Variants in ZSCAN32 observed in about 807,000 individuals in gnomAD.
ZSCAN32 encodes zinc finger and SCAN domain containing 32, also known as zinc finger and SCAN domain-containing protein 32.
A neutral mutation model predicts 47.4 loss-of-function variants in ZSCAN32; 52 were observed. That is an observed-to-expected ratio of 1.10 (90% CI 0.88 to 1.38). ZSCAN32 has a LOEUF of 1.38. ZSCAN32 is among the 40% of genes most tolerant of loss of function. The pLI, the probability that ZSCAN32 is intolerant of heterozygous loss-of-function variation, is 0.00. For synonymous variants in ZSCAN32, 346 were observed against 305.7 expected (o/e 1.13, Z -1.38); for missense variants, 959 against 846.0 (o/e 1.13, Z -1.66).
intron 1 of ZSCAN32, among the ~76,000 whole-genome samples, chr16:3,398,631 G>A (rs556807843): frequency 1.4e-4 from 22 of 152,146 alleles, no homozygotes; most frequent in Admixed American, 6.5e-4. Flanking sequence ...TGTGTCTGCT[G>A]ACGAATTACT....
intron 2 of ZSCAN32, among the ~76,000 whole-genome samples, chr16:3,394,947 A>G (rs1176797837): frequency 6.6e-6 from 1 of 151,366 alleles, no homozygotes; most frequent in East Asian, 1.9e-4. Context: ...ATCTCCCAAC[A>G]CTCCAGTTAT....
In ZSCAN32 at chr16:3,383,476, C is replaced by T; in HGVS notation, c.1470G>A (p.Arg490=). 1.2e-6 allele frequency: 2 copies of T among 1,614,040 alleles called. No individual in the cohort carries two copies. Among genetic ancestry groups the T allele is most frequent in the Non-Finnish European group, 1.7e-6 (2 of 1,179,988 alleles). The part of the protein sequence containing the change: ...EKMSHQSFCA[R]DKACTHILCG... Reference sequence around the variant, plus strand: ...AGAGGATATGTGTACAGGCTTTGTCCCTGGCACAAAAACTCTGGTGACTCA... The same window carrying T: ...AGAGGATATGTGTACAGGCTTTGTCTCTGGCACAAAAACTCTGGTGACTCA... The change falls in exon 7 of 7, where the codon AGG becomes AGA. Residue 490 remains arginine, a synonymous_variant. Coordinates refer to ENST00000396852, the MANE Select transcript of ZSCAN32 (RefSeq NM_001284527.2).
At chr16:3,394,778 C>T (rs1280280293) in intron 2 of ZSCAN32, among the ~76,000 whole-genome samples, 2 of 152,108 alleles carry the variant, frequency 1.3e-5, no homozygotes, top group Admixed American at 1.3e-4. Context: ...CAGCCACAAG[C>T]CCTCCCTTCT....
intron 3 of ZSCAN32, 67 bp from the exon 4 acceptor site, chr16:3,390,584 A>C: frequency 2.3e-6 from 3 of 1,326,116 alleles, no homozygotes; most frequent in Non-Finnish European, 3.1e-6. Context: ...GAAGCTCTCA[A>C]AGTGGGCTCC....
intron 4 of ZSCAN32, 130 bp from the exon 5 acceptor site, chr16:3,390,263 A>T: frequency 7.0e-7 from 1 of 1,424,088 alleles, no homozygotes; most frequent in Non-Finnish European, 9.4e-7. Context: ...TCCCAGTGGG[A>T]CAGGTTCTGA....
chr16:3,397,135 T>C (rs2033443862), intron 2 of ZSCAN32, 57 bp downstream of exon 2: 4 of 1,468,344 alleles, frequency 2.7e-6, no homozygotes, highest in Non-Finnish European at 3.6e-6. Context: ...CTCCAGTAAC[T>C]GGATTCCCCG....
rs530389786 is a variant in ZSCAN32, at chr16:3,397,674, G to A, written c.-117C>T. 1.4e-5 allele frequency: 19 copies of A among 1,345,950 alleles called. No individual in the cohort carries two copies. Among genetic ancestry groups the A allele is most frequent in the Admixed American group, 5.8e-5 (2 of 34,780 alleles). 83.4% of individuals were successfully genotyped at this position (1,345,950 alleles called of 1,614,324 possible). ...TGCAAGGAATGTCTTTCTGTAATCC[G>A]TGGGACATGAGAGTGTCAGACATGT... is the stretch of plus-strand genomic sequence containing the variant. On this transcript the variant is annotated 5_prime_UTR_variant, in exon 2 of 7. It adds an upstream start codon to the 5' untranslated region. Transcript: ENST00000396852.
intron 3 of ZSCAN32, among the ~76,000 whole-genome samples, chr16:3,393,209 T>TATAA (rs2032967273): frequency 4.8e-5 from 1 of 20,622 alleles, no homozygotes; most frequent in Non-Finnish European, 7.9e-5. Context: ...TATTTATATT[T>TATAA]ATATATATAT....
chr16:3,398,147 T>A (rs1012562762), intron 1 of ZSCAN32, among the ~76,000 whole-genome samples: 6 of 152,204 alleles, frequency 3.9e-5, no homozygotes, highest in Non-Finnish European at 7.3e-5. Flanking sequence ...TCTGCTAAGA[T>A]GCAGGCATAA....
chr16:3,396,322 A>G, intron 2 of ZSCAN32, among the ~76,000 whole-genome samples: 1 of 152,076 alleles, frequency 6.6e-6, no homozygotes, highest in East Asian at 1.9e-4. Context: ...TAACTCTTCA[A>G]TCCTACCAAA....
intron 1 of ZSCAN32, among the ~76,000 whole-genome samples, chr16:3,398,522 C>T (rs2033589294): frequency 6.6e-6 from 1 of 152,212 alleles, no homozygotes; most frequent in Non-Finnish European, 1.5e-5. Flanking sequence ...ATTGCAGTTC[C>T]CCTGTCTTGA....
intron 6 of ZSCAN32, 37 bp downstream of exon 6, chr16:3,384,422 T>A: frequency 6.2e-7 from 1 of 1,612,102 alleles, no homozygotes; most frequent in Non-Finnish European, 8.5e-7. Context: ...AAGTGGACTT[T>A]GCCATCCTTT....
intron 3 of ZSCAN32, among the ~76,000 whole-genome samples, chr16:3,392,895 G>C (rs1596469965): frequency 6.6e-6 from 1 of 151,374 alleles, no homozygotes; most frequent in East Asian, 1.9e-4. Flanking sequence ...TAGAGCTCTG[G>C]AAGAAAAGCA....
At chr16:3,396,160 A>G (rs1054931346) in intron 2 of ZSCAN32, among the ~76,000 whole-genome samples, 3 of 152,148 alleles carry the variant, frequency 2.0e-5, no homozygotes, top group Non-Finnish European at 2.9e-5. Context: ...TCCAAGTTCT[A>G]CCTTCATACA....
In ZSCAN32 at chr16:3,383,404, C is replaced by T. The variant is rs145554378; in HGVS notation, c.1542G>A (p.Ala514=). 74 of 1,614,172 alleles carry T rather than the reference C, an allele frequency of 4.6e-5. No individual in the cohort carries two copies. The highest frequency in any genetic ancestry group is 2.0e-4 in the African/African-American group (15 of 75,038). The change falls in exon 7 of 7, where the codon GCG becomes GCA. Residue 514 remains alanine, a synonymous_variant. Transcript: ENST00000396852. ...SQSVHSPHKP[A]LKLEKVSQCP... The stretch of plus-strand genomic sequence containing the variant: ...ATTGAGATACTTTTTCCAGTTTGAG[C>T]GCTGGCTTGTGGGGAGAGTGCACAC...
intron 6 of ZSCAN32, 197 bp from the exon 7 acceptor site, chr16:3,383,908 C>G (rs1020040324): frequency 2.6e-5 from 17 of 646,334 alleles, no homozygotes; most frequent in Non-Finnish European, 2.5e-6. Context: ...AAAATTATGC[C>G]CTAAACTCCA....
At chr16:3,400,618 A>G (rs1331622180) in intron 1 of ZSCAN32, among the ~76,000 whole-genome samples, 1 of 152,222 alleles carries the variant, frequency 6.6e-6, no homozygotes, top group African/African-American at 2.4e-5. Context: ...CTATTTATTG[A>G]GTACTCAGAA....
chr16:3,382,872 C>T lies in ZSCAN32; in HGVS notation c.2074G>A (p.Glu692Lys), dbSNP rs1292740488. 1 of 1,571,830 alleles carries T rather than the reference C, an allele frequency of 6.4e-7. No individual in the cohort carries two copies. Among genetic ancestry groups the T allele is most frequent in the African/African-American group, 1.4e-5 (1 of 73,344 alleles). ...CACACTCATAACGCATCTCTTCCTT[C>T]CTGTGATGAGAGTACTGCTTTCATG... ...VHMKAVLSSQ[E>K]GRDAL The change falls in exon 7 of 7, where the codon GAA (glutamate) becomes AAA (lysine). Residue 692 changes from glutamate (E) to lysine (K), a missense_variant. Coordinates refer to ENST00000396852, the MANE Select transcript of ZSCAN32 (RefSeq NM_001284527.2).
Position 3,397,631 on chromosome 16 carries a change from TG to T in ZSCAN32, c.-75del, listed in dbSNP as rs2033502342. The T allele has an allele frequency of 2.8e-6, 4 of 1,441,878 alleles. No homozygotes were observed. The Admixed American group carries it at 1.1e-4, about 40-fold the overall frequency. 89.3% of individuals were successfully genotyped at this position (1,441,878 alleles called of 1,614,324 possible). On this transcript the variant is annotated 5_prime_UTR_variant, in exon 2 of 7. The change abolishes the stop of an existing upstream ORF in the 5' untranslated region. Transcript: ENST00000396852. ...TCAGAGTCCATCTTTCCCACATCAC[TG>T]GGAAGCCATGTTCTCCTGCAAGGAA... is the stretch of plus-strand genomic sequence containing the variant.
Sources: allele counts gnomAD v4.1 joint callset (sites outside exome capture counted in the v4.1 genomes callset), GRCh38; gene constraint gnomAD v4.1.1; transcripts MANE v1.5; gene names NCBI Gene and HGNC (gene_info 2026-07-23, HGNC 2026-07-21).